Variants in HEPHL1 observed in about 807,000 individuals in gnomAD.
HEPHL1 encodes the protein hephaestin like 1.
A neutral mutation model predicts 122.0 loss-of-function variants in HEPHL1; 123 were observed. The ratio of observed to expected loss-of-function variants is 1.01; its 90% confidence interval spans 0.87 to 1.17. The LOEUF (loss-of-function observed/expected upper bound fraction) is 1.17. Among genes scored for constraint, HEPHL1 ranks in the 50% most tolerant of loss-of-function variants. The pLI is 0.00. For missense variants in HEPHL1, 1,452 were observed against 1,430.5 expected (o/e 1.01, Z -0.24); for synonymous variants, 527 against 508.9 (o/e 1.04, Z -0.48).
intron 10 of HEPHL1, among the ~76,000 whole-genome samples, 162 bp from the exon 11 acceptor site, chr11:94,085,815 T>G (rs1458884635): frequency 6.6e-6 from 1 of 152,182 alleles, no homozygotes; most frequent in Non-Finnish European, 1.5e-5. Context: ...CATTATTCAT[T>G]GTTAATTTTG....
chr11:94,062,793 G>T (rs916832165), intron 2 of HEPHL1, among the ~76,000 whole-genome samples: 1 of 151,956 alleles, frequency 6.6e-6, no homozygotes, highest in Non-Finnish European at 1.5e-5. Context: ...TTTAGCAGTC[G>T]GCTTTCCTTA....
chr11:94,082,650 T>C (rs1470952939), intron 10 of HEPHL1, 82 bp downstream of exon 10: 1 of 1,346,134 alleles, frequency 7.4e-7, no homozygotes, highest in Non-Finnish European at 1.0e-6. Context: ...TTGAATTATA[T>C]TAATTTTGGT....
At chr11:94,099,990 C>T (rs1186049527) in intron 13 of HEPHL1, among the ~76,000 whole-genome samples, 1 of 152,140 alleles carries the variant, frequency 6.6e-6, no homozygotes, top group Non-Finnish European at 1.5e-5. Flanking sequence ...CCTGCTTCGG[C>T]TCACGCTCGG....
intron 1 of HEPHL1, among the ~76,000 whole-genome samples, chr11:94,029,131 C>T (rs555953179): frequency 6.6e-6 from 1 of 152,156 alleles, no homozygotes; most frequent in African/African-American, 2.4e-5. Context: ...CCAGCCTCAA[C>T]AAATTTTTAT....
chr11:94,021,453 T>A lies in HEPHL1; in HGVS notation c.85T>A (p.Tyr29Asn). 2 of 1,613,306 alleles carry A rather than the reference T, an allele frequency of 1.2e-6. No individual in the cohort carries two copies. The highest frequency in any genetic ancestry group is 1.7e-6 in the Non-Finnish European group (2 of 1,179,256). The stretch of plus-strand genomic sequence containing the variant: ...GCTGGTTGGCACAGTTACCAGAACG[T>A]ACTACATTGGGATTGTGGAAGAATA... ...SGLVGTVTRT[Y>N]YIGIVEEYWN... The change falls in exon 1 of 20, where the codon TAC (tyrosine) becomes AAC (asparagine). Residue 29 changes from tyrosine (Y) to asparagine (N), a missense_variant. Physicochemically the swap from Tyr to Asn is moderately radical, Grantham distance 143. Coordinates refer to ENST00000315765, the MANE Select transcript of HEPHL1 (RefSeq NM_001098672.2).
intron 12 of HEPHL1, among the ~76,000 whole-genome samples, chr11:94,089,497 A>G (rs1258151614): frequency 6.6e-6 from 1 of 152,196 alleles, no homozygotes; most frequent in Non-Finnish European, 1.5e-5. Flanking sequence ...CTGTGCCCAG[A>G]AAGTCTGCAA....
In HEPHL1 at chr11:94,110,361, G is replaced by A. The variant is rs115182025; in HGVS notation, c.3046-542G>A. The stretch of plus-strand genomic sequence containing the variant: ...TTCATGAGGAGGCAATCAAGATGTC[G>A]ACTGGAGCTGCAGTTTTCAAAGGTT... On this transcript the variant is annotated intron_variant, in intron 17 of 19. Coordinates refer to ENST00000315765, the MANE Select transcript of HEPHL1 (RefSeq NM_001098672.2). Among the ~76,000 whole-genome samples the A allele has an allele frequency of 3.6e-3, 544 of 152,242 alleles. 4 individuals are homozygous for A. Among genetic ancestry groups the A allele is most frequent in the African/African-American group, 0.012 (503 of 41,534 alleles).
chr11:94,070,459 T>C lies in HEPHL1; in HGVS notation c.1149T>C (p.Phe383=), dbSNP rs1395350273. Residue 383 remains phenylalanine, a synonymous_variant, in exon 6 of 20, where the codon TTT becomes TTC. Transcript: ENST00000315765. ...PKMKGQQRRY[F]IAAEKILWDY... is the part of the protein sequence containing the mutation. ...TGAAGGGTCAACAGAGGCGCTACTT[T>C]ATAGCAGCTGAAAAAATTCTTTGGG... The C allele has an allele frequency of 2.5e-6, 4 of 1,609,840 alleles. No individual in the cohort carries two copies. Among genetic ancestry groups the C allele is most frequent in the Non-Finnish European group, 3.4e-6 (4 of 1,177,902 alleles).
intron 9 of HEPHL1, among the ~76,000 whole-genome samples, chr11:94,077,236 T>C (rs1946133490): frequency 6.6e-6 from 1 of 152,150 alleles, no homozygotes; most frequent in Non-Finnish European, 1.5e-5. Context: ...CAAATCTACA[T>C]ACATTTTAAA....
intron 10 of HEPHL1, 63 bp from the exon 11 acceptor site, chr11:94,085,914 A>T: frequency 8.5e-7 from 1 of 1,181,588 alleles, no homozygotes; most frequent in Non-Finnish European, 1.3e-6. Context: ...CAGTTTACAT[A>T]TTTGAAGCTC....
Position 94,073,014 on chromosome 11 carries a change from T to C in HEPHL1, c.1233-11T>C, listed in dbSNP as rs891637838. On this transcript the variant is annotated splice_polypyrimidine_tract_variant and intron_variant, in intron 6 of 19. Transcript: ENST00000315765. ...AGAAGTGTCCTCAATCACATTCCTA[T>C]GTCTTTTCAGTGACTCTGATCTCTA... 8 of 1,610,526 alleles carry C rather than the reference T, an allele frequency of 5.0e-6. No individual in the cohort carries two copies. The highest frequency in any genetic ancestry group is 5.9e-6 in the Non-Finnish European group (7 of 1,177,746).
chr11:94,096,678 T>A (rs1403420489), intron 13 of HEPHL1, among the ~76,000 whole-genome samples: 2 of 152,242 alleles, frequency 1.3e-5, no homozygotes, highest in Non-Finnish European at 2.9e-5. Context: ...GGCTATTAAT[T>A]ATTGCCTCAA....
chr11:94,063,579 A>G lies in HEPHL1; in HGVS notation c.487A>G (p.Thr163Ala), dbSNP rs1252890978. Residue 163 changes from threonine (T) to alanine (A), a missense_variant, in exon 3 of 20, where the codon ACC becomes GCC. By Grantham distance (58) the Thr-to-Ala change is moderately conservative. Transcript: ENST00000315765. ...DDMVPPGKNYTYVWPVREEYA... is the reference protein window; with the variant it reads ...DDMVPPGKNYAYVWPVREEYA... ...CATGGTTCCTCCTGGGAAAAACTAC[A>G]CCTACGTCTGGCCGGTGAGAGAAGA... 1.2e-5 allele frequency: 19 copies of G among 1,613,586 alleles called. No homozygotes were observed. Among genetic ancestry groups the G allele is most frequent in the Non-Finnish European group, 1.5e-5 (18 of 1,179,800 alleles).
At chr11:94,078,459 A>ATATATG (rs1258202878) in intron 9 of HEPHL1, among the ~76,000 whole-genome samples, 5 of 41,762 alleles carry the variant, frequency 1.2e-4, no homozygotes, top group African/African-American at 3.9e-4. Context: ...ATATATATAT[A>ATATATG]TATATATATA....
chr11:94,067,573 G>A lies in HEPHL1; in HGVS notation c.886G>A (p.Gly296Arg). The A allele has an allele frequency of 6.2e-7, 1 of 1,613,572 alleles. No individual in the cohort carries two copies. Among genetic ancestry groups the A allele is most frequent in the Non-Finnish European group, 8.5e-7 (1 of 1,179,622 alleles). ...AGAATCTGTGTCCTGGCACCTATTTGGAATGGGGAATGAAATAGACATCCA... is the reference window on the plus strand; with the variant it reads ...AGAATCTGTGTCCTGGCACCTATTTAGAATGGGGAATGAAATAGACATCCA... ...VGESVSWHLF[G>R]MGNEIDIHSI... Residue 296 changes from glycine (G) to arginine (R), a missense_variant, in exon 5 of 20, where the codon GGA becomes AGA. Coordinates refer to ENST00000315765, the MANE Select transcript of HEPHL1 (RefSeq NM_001098672.2).
At chr11:94,052,206 T>C (rs1227197389) in intron 2 of HEPHL1, among the ~76,000 whole-genome samples, 1 of 152,144 alleles carries the variant, frequency 6.6e-6, no homozygotes, top group Non-Finnish European at 1.5e-5. Context: ...GGGATTGCTT[T>C]GGGCAGTATG....
At chr11:94,039,288 C>T (rs1208866429) in intron 1 of HEPHL1, among the ~76,000 whole-genome samples, 1 of 150,912 alleles carries the variant, frequency 6.6e-6, no homozygotes, top group Non-Finnish European at 1.5e-5. Flanking sequence ...TTTAACACCT[C>T]ACTGTCAACA....
chr11:94,049,637 A>T (rs1209347763), intron 2 of HEPHL1, among the ~76,000 whole-genome samples: 1 of 145,620 alleles, frequency 6.9e-6, no homozygotes, highest in Non-Finnish European at 1.5e-5. Context: ...AAAAAAAATC[A>T]ATGACCATAA....
At chr11:94,080,249 A>C (rs112988472) in intron 9 of HEPHL1, among the ~76,000 whole-genome samples, 263 of 152,340 alleles carry the variant, frequency 1.7e-3, no homozygotes, top group African/African-American at 6.1e-3. Flanking sequence ...CCATATGCAG[A>C]AAATTGAAAC....
Sources: allele counts gnomAD v4.1 joint callset (sites outside exome capture counted in the v4.1 genomes callset), GRCh38; gene constraint gnomAD v4.1.1; transcripts MANE v1.5; gene names NCBI Gene and HGNC (gene_info 2026-07-23, HGNC 2026-07-21).